CIZ1: variants seen among roughly 807,000 people sequenced by gnomAD.
The protein encoded by CIZ1 is cip1-interacting zinc finger protein.
Under a neutral mutation model 118.6 loss-of-function variants are expected in CIZ1, and 58 were observed. The observed-to-expected ratio is 0.49, with a 90% CI of 0.40 to 0.61. The LOEUF (loss-of-function observed/expected upper bound fraction) is 0.61, where lower values mean the gene tolerates loss of function less well. Ranked by LOEUF, CIZ1 falls within the 20% of genes least tolerant of loss-of-function variation. The probability of loss-of-function intolerance (pLI) is 0.00; values close to 1 mark genes in which losing one functional copy is unlikely to be tolerated. For synonymous variants in CIZ1, 448 were observed against 443.4 expected, an observed-to-expected ratio of 1.01 and a Z score of -0.13; for missense variants, 921 against 1,115.9, an observed-to-expected ratio of 0.83 and a Z score of 2.49.
At position 128,190,374 on chromosome 9, in the gene CIZ1, T is replaced by G. The variant is rs756283068; in HGVS notation, c.241A>C (p.Asn81His). Residue 81 changes from asparagine to histidine, a missense_variant, in exon 3 of 17, where the codon AAC becomes CAC. Transcript: ENST00000372938. ...LQGTNSASLL[N>H]GSMLQRALLL... The stretch of plus-strand genomic sequence containing the variant: ...AAAGCTCTCTGCAGCATGGAGCCGT[T>G]GAGGAGGGAGGCTGAGTTGGTGCCC... 7 of 1,613,820 alleles carry G rather than the reference T, an allele frequency of 4.3e-6. No individual in the cohort carries two copies. In the South Asian group the frequency reaches 7.7e-5, roughly 18 times the overall value.
In CIZ1 at chr9:128,203,464, C is replaced by T. The variant is rs1261612865; in HGVS notation, c.-6+722G>A. On this transcript the variant is annotated intron_variant, in intron 1 of 17. Transcript: ENST00000372948. This position sits in a 1 kb window ranked among gnomAD's most constrained non-coding sequence, Gnocchi z 5.3. ...CCGGATCGCAGCCTGCGGGGCCCGC[C>T]GCAGCCATGGGCAACCGCGGCATGG... 2.7e-6 allele frequency: 4 copies of T among 1,483,632 alleles called. No individual in the cohort carries two copies. The South Asian group carries it at 3.8e-5, about 14-fold the overall frequency. 91.9% of individuals were successfully genotyped at this position (1,483,632 alleles called of 1,614,324 possible).
At chr9:128,178,532 C>A in intron 8 of CIZ1, 42 bp from the exon 9 acceptor site, 1 of 1,613,592 alleles carries the variant, frequency 6.2e-7, no homozygotes. Context: ...GTCCCCAGGC[C>A]CAAGAGCTGC....
intron 7 of CIZ1, 81 bp downstream of exon 7, chr9:128,180,334 C>G (rs531041155): frequency 4.9e-6 from 5 of 1,022,572 alleles, no homozygotes; most frequent in Admixed American, 3.5e-5. Flanking sequence ...GGTGCACCCC[C>G]TCTGCCATTG....
At chr9:128,201,634 T>C (rs753809876) in intron 1 of CIZ1, among the ~76,000 whole-genome samples, 2 of 152,200 alleles carry the variant, frequency 1.3e-5, no homozygotes, top group African/African-American at 4.8e-5. Context: ...TCCATGCAAG[T>C]TGTGTGGCAC....
In CIZ1 at chr9:128,203,705, G is replaced by T. The variant is rs572915709; in HGVS notation, c.-6+481C>A. The T allele has an allele frequency of 3.4e-4, 457 of 1,333,648 alleles. 2 individuals carry two copies. In the African/African-American group the frequency reaches 5.2e-3, roughly 15 times the overall value. The allele number at this position is 1,333,648 out of a possible 1,614,324, so 82.6% of individuals were successfully genotyped here. On this transcript the variant is annotated intron_variant, in intron 1 of 17. Coordinates refer to the CIZ1 transcript ENST00000372948. The surrounding 1 kb of genome is among the most constrained non-coding windows in gnomAD (Gnocchi z 5.3). ...TGGAGTCCCCGCCCGGGGCACTGAC[G>T]GCGCGGCGACCTCGCAGCCCCCGAC...
intron 4 of CIZ1, among the ~76,000 whole-genome samples, chr9:128,186,876 C>T (rs975121787): frequency 2.6e-5 from 4 of 152,090 alleles, no homozygotes; most frequent in African/African-American, 4.8e-5. Context: ...AGACTGTGTC[C>T]CCAAAGGCCC....
intron 4 of CIZ1, among the ~76,000 whole-genome samples, chr9:128,187,351 T>A (rs1269434816): frequency 2.0e-5 from 3 of 152,220 alleles, no homozygotes; most frequent in Admixed American, 6.5e-5. Context: ...CTTGCCCCAG[T>A]GCTGGGATGG....
At chr9:128,169,917 G>T in intron 12 of CIZ1, 103 bp downstream of exon 12, 1 of 1,155,356 alleles carries the variant, frequency 8.7e-7, no homozygotes, top group Non-Finnish European at 1.3e-6. Context: ...TGGGTGTGCA[G>T]GGGCAAAGAG....
In CIZ1 at chr9:128,169,442, G is replaced by C; in HGVS notation, c.2109C>G (p.His703Gln). Residue 703 changes from histidine to glutamine, a missense_variant, in exon 13 of 17, where the codon CAC becomes CAG. Physicochemically the swap from His to Gln is conservative, Grantham distance 24. Transcript: ENST00000372938. ...YFKTPRKFVE[H>Q]VKSQGHKDKA... ...TGTCCTTATGCCCCTGGGACTTCAC[G>C]TGCTCCACAAACTTGCGAGGGGTTT... 1.2e-6 allele frequency: 2 copies of C among 1,614,156 alleles called. No individual in the cohort carries two copies. The highest frequency in any genetic ancestry group is 1.7e-6 in the Non-Finnish European group (2 of 1,180,028).
At chr9:128,182,040 CTT>C (rs1229261834) in intron 5 of CIZ1, among the ~76,000 whole-genome samples, 1 of 152,224 alleles carries the variant, frequency 6.6e-6, no homozygotes, top group Non-Finnish European at 1.5e-5. Context: ...CTGTCTTTCT[CTT>C]TGTCTCCTCT....
chr9:128,190,219 C>T (rs1461697755), intron 3 of CIZ1, 110 bp downstream of exon 3: 2 of 757,408 alleles, frequency 2.6e-6, no homozygotes, highest in Non-Finnish European at 4.5e-6. Context: ...ACTAGGATGC[C>T]AAGAATAGCT....
In CIZ1 at chr9:128,179,413, G is replaced by A. The variant is rs1831278942; in HGVS notation, c.794C>T (p.Ser265Leu). The A allele has an allele frequency of 1.9e-6, 3 of 1,567,456 alleles. No homozygotes were observed. Residue 265 changes from serine to leucine, a missense_variant and splice_region_variant, in exon 8 of 17, where the codon TCA (serine) becomes TTA (leucine). Transcript: ENST00000372938. The part of the protein sequence containing the change: ...SELPAKRLRS[S>L]EEPTEKEPPG... ...AGGTTCCTTCTCTGTGGGCTCTTCT[G>A]AGCTAGGAAGGATCAAAAAAAAATC... is the stretch of plus-strand genomic sequence containing the variant.
At chr9:128,194,957 A>T (rs1833341306), upstream of CIZ1, among the ~76,000 whole-genome samples, 1 of 152,118 alleles carries the variant, frequency 6.6e-6, no homozygotes. Context: ...AGCTAGGACT[A>T]CAAGTCCATG....
intron 14 of CIZ1, 153 bp downstream of exon 14, chr9:128,168,899 G>A (rs1352454805): frequency 2.8e-6 from 3 of 1,068,176 alleles, no homozygotes; most frequent in Non-Finnish European, 4.1e-6. Context: ...TAATTACATA[G>A]TCATGCAGAA....
At chr9:128,184,609 C>T (rs969696932) in intron 5 of CIZ1, among the ~76,000 whole-genome samples, 1 of 151,608 alleles carries the variant, frequency 6.6e-6, no homozygotes, top group African/African-American at 2.4e-5. Flanking sequence ...CCTCCCACCT[C>T]AGCCTCCCAA....
rs1250072531 is a variant in CIZ1 at position 128,176,341 on chromosome 9, C to T, written c.1943+10G>A. On this transcript the variant is annotated intron_variant, in intron 11 of 16. Transcript: ENST00000372938. ...CCCCCAACACAGAGCTTCCACGATC[C>T]CCCACTCACTCATCCTCTGTCTCCA... The T allele has an allele frequency of 9.9e-6, 16 of 1,613,276 alleles. No individual in the cohort carries two copies. The highest frequency in any genetic ancestry group is 1.7e-5 in the Admixed American group (1 of 59,928).
chr9:128,178,302 G>A (rs1831126317), intron 9 of CIZ1, 67 bp downstream of exon 9: 1 of 1,541,444 alleles, frequency 6.5e-7, no homozygotes, highest in Admixed American at 2.1e-5. Context: ...GCCTGGGGCA[G>A]AAAGAGGCCA....
At chr9:128,181,740 C>A (rs574155941) in intron 5 of CIZ1, among the ~76,000 whole-genome samples, 1 of 150,822 alleles carries the variant, frequency 6.6e-6, no homozygotes, top group East Asian at 2.0e-4. Context: ...GAACAACACC[C>A]GCTACTTAGC....
chr9:128,192,963 G>A (rs1387703196), upstream of CIZ1, among the ~76,000 whole-genome samples: 1 of 152,224 alleles, frequency 6.6e-6, no homozygotes, highest in African/African-American at 2.4e-5. Flanking sequence ...GGGGGCACTG[G>A]CGGCGCGCAG....
Sources: gnomAD v4.1 joint callset for allele counts (sites outside exome capture counted in the v4.1 genomes callset) on GRCh38, gnomAD v4.1.1 for gene constraint, Gnocchi (gnomAD v3.1) non-coding constraint, MANE v1.5 for transcripts, NCBI Gene and HGNC (gene_info 2026-07-23, HGNC 2026-07-21) for gene names.